Variants in STRN observed in about 807,000 individuals in gnomAD.
STRN encodes the protein striatin, also known as protein phosphatase 2 regulatory subunit B'''alpha.
STRN carries 53 observed loss-of-function variants against 96.3 expected under a neutral mutation model. The observed-to-expected ratio is 0.55, with a 90% CI of 0.44 to 0.69. STRN has a LOEUF of 0.69. Among genes scored for constraint, STRN ranks in the 30% least tolerant of loss-of-function variants. The pLI is 0.00. For missense variants in STRN, 987 were observed against 963.9 expected (o/e 1.02, Z -0.32); for synonymous variants, 428 against 355.9 (o/e 1.20, Z -2.28).
intron 6 of STRN, among the ~76,000 whole-genome samples, chr2:36,895,404 G>A (rs1046103473): frequency 6.6e-6 from 1 of 151,504 alleles, no homozygotes; most frequent in Non-Finnish European, 1.5e-5. Flanking sequence ...TTAACTATTT[G>A]GGATATTTTC....
intron 1 of STRN, among the ~76,000 whole-genome samples, chr2:36,931,988 T>C (rs547233102): frequency 6.6e-6 from 1 of 152,166 alleles, no homozygotes; most frequent in South Asian, 2.1e-4. Flanking sequence ...ATGCAGCTGA[T>C]TTTAATCTTT....
rs1038436504 is a variant in STRN, at chr2:36,846,787, G to C, written c.*2669C>G. On this transcript the variant is annotated 3_prime_UTR_variant, in exon 18 of 18. Transcript: ENST00000263918. ...TGTCTATGGTTTGAGTAGCAAATGA[G>C]CTCCATATGACAGTTGAGTTTTGAG... The C allele has an allele frequency of 4.6e-5, 7 of 151,978 alleles. No homozygotes were observed. The highest frequency in any genetic ancestry group is 1.7e-4 in the African/African-American group (7 of 41,398). 9.4% of individuals were successfully genotyped at this position (151,978 alleles called of 1,614,324 possible). A position where few individuals can be genotyped will look rare whatever the true frequency, so the allele number is the denominator to read the frequency against.
chr2:36,955,564 C>T (rs879912157), intron 1 of STRN, among the ~76,000 whole-genome samples: 1 of 152,184 alleles, frequency 6.6e-6, no homozygotes, highest in Non-Finnish European at 1.5e-5. Flanking sequence ...CCCTCTCCTC[C>T]CTTCTTCTGT....
At chr2:36,921,917 GA>G (rs965502442) in intron 2 of STRN, among the ~76,000 whole-genome samples, 7 of 148,698 alleles carry the variant, frequency 4.7e-5, no homozygotes, top group Non-Finnish European at 7.5e-5. Context: ...CCTGGACCAG[GA>G]AAAAAAAATG....
chr2:36,955,168 A>C (rs1664853814), intron 1 of STRN, among the ~76,000 whole-genome samples: 3 of 152,206 alleles, frequency 2.0e-5, no homozygotes, highest in African/African-American at 7.2e-5. Flanking sequence ...GGGACCAAAA[A>C]AAGGAGAGGA....
rs557357176 is a variant in STRN at position 36,855,154 on chromosome 2, C to T, written c.1978+58G>A. ...ATTTTTCACAGCTGACTCTAGTAGT[C>T]GTAATTTTGATTAAGTTAAAAAAAT... On this transcript the variant is annotated intron_variant, in intron 15 of 17. Coordinates refer to ENST00000263918, the MANE Select transcript of STRN (RefSeq NM_003162.4). The T allele has an allele frequency of 2.0e-5, 31 of 1,565,848 alleles. No individual in the cohort carries two copies. The East Asian group carries it at 2.0e-4, about 10-fold the overall frequency.
intron 3 of STRN, among the ~76,000 whole-genome samples, chr2:36,906,820 C>G (rs1669832881): frequency 6.6e-6 from 1 of 151,966 alleles, no homozygotes; most frequent in African/African-American, 2.4e-5. Flanking sequence ...ACTCGGGAGG[C>G]TGAGGCAGGA....
intron 2 of STRN, among the ~76,000 whole-genome samples, chr2:36,916,861 T>C (rs759811067): frequency 6.6e-6 from 1 of 152,074 alleles, no homozygotes; most frequent in African/African-American, 2.4e-5. Flanking sequence ...GATTTAACCA[T>C]GAGACTAGAA....
At chr2:36,860,268 C>T (rs1401579721) in intron 13 of STRN, among the ~76,000 whole-genome samples, 3 of 152,144 alleles carry the variant, frequency 2.0e-5, no homozygotes, top group African/African-American at 7.2e-5. Context: ...ATGGGAAGGA[C>T]TGGCCTAGGA....
chr2:36,907,877 C>G (rs1669864020), intron 3 of STRN, among the ~76,000 whole-genome samples: 1 of 151,670 alleles, frequency 6.6e-6, no homozygotes, highest in Non-Finnish European at 1.5e-5. Context: ...AGGCTTAGTT[C>G]TGTGATATAC....
chr2:36,854,188 A>C (rs1668286748), intron 15 of STRN, among the ~76,000 whole-genome samples: 3 of 152,078 alleles, frequency 2.0e-5, no homozygotes, highest in Admixed American at 2.0e-4. Flanking sequence ...CATCCTTTCT[A>C]ATTTCATATT....
At chr2:36,897,664 C>A (rs184173678) in intron 6 of STRN, among the ~76,000 whole-genome samples, 75 of 151,946 alleles carry the variant, frequency 4.9e-4, no homozygotes, top group African/African-American at 1.7e-3. Flanking sequence ...GTCTTGATCT[C>A]CTGACCTAGT....
chr2:36,912,974 G>A (rs1303540118), intron 3 of STRN, among the ~76,000 whole-genome samples: 1 of 152,134 alleles, frequency 6.6e-6, no homozygotes, highest in Non-Finnish European at 1.5e-5. Flanking sequence ...GAATAATACA[G>A]AGAAGATCAG....
intron 2 of STRN, among the ~76,000 whole-genome samples, chr2:36,920,576 T>G (rs1670226489): frequency 6.7e-6 from 1 of 149,762 alleles, no homozygotes; most frequent in Admixed American, 6.7e-5. Flanking sequence ...AGGTGCAGGT[T>G]GCAGTGAGCT....
chr2:36,894,260 C>G (rs1021062623), intron 6 of STRN, among the ~76,000 whole-genome samples: 3 of 152,128 alleles, frequency 2.0e-5, no homozygotes, highest in African/African-American at 7.2e-5. Context: ...AGTAAACTAA[C>G]GGAACCACAT....
chr2:36,942,239 A>G (rs188461796), intron 1 of STRN, among the ~76,000 whole-genome samples: 6 of 152,292 alleles, frequency 3.9e-5, no homozygotes, highest in Admixed American at 2.6e-4. Flanking sequence ...ATCATAATGT[A>G]TCAAAAAGGA....
At chr2:36,943,194 A>G (rs996354940) in intron 1 of STRN, among the ~76,000 whole-genome samples, 4 of 152,096 alleles carry the variant, frequency 2.6e-5, no homozygotes, top group Non-Finnish European at 5.9e-5. Context: ...GGAAAAAAAC[A>G]AACTTTACGT....
chr2:36,952,076 G>A (rs1664767707), intron 1 of STRN, among the ~76,000 whole-genome samples: 2 of 152,006 alleles, frequency 1.3e-5, no homozygotes, highest in Non-Finnish European at 2.9e-5. Flanking sequence ...CACAATTGTG[G>A]CTTATTCAAG....
chr2:36,904,863 T>TGAAA (rs1340284865), intron 4 of STRN, among the ~76,000 whole-genome samples: 1 of 151,986 alleles, frequency 6.6e-6, no homozygotes, highest in African/African-American at 2.4e-5. Flanking sequence ...AATGAATGAA[T>TGAAA]GAAATATATG....
Sources: gnomAD v4.1 joint callset for allele counts (sites outside exome capture counted in the v4.1 genomes callset) on GRCh38, gnomAD v4.1.1 for gene constraint, MANE v1.5 for transcripts, NCBI Gene and HGNC (gene_info 2026-07-23, HGNC 2026-07-21) for gene names.